MORF4L1: variants seen among roughly 807,000 people sequenced by gnomAD.
The protein encoded by MORF4L1 is mortality factor 4 like 1.
MORF4L1 carries 4 observed loss-of-function variants against 52.9 expected under a neutral mutation model. The observed-to-expected ratio is 0.08, with a 90% CI of 0.04 to 0.17. The LOEUF (loss-of-function observed/expected upper bound fraction) is 0.17. Among genes scored for constraint, MORF4L1 ranks in the 10% least tolerant of loss-of-function variants. MORF4L1 has a pLI of 1.00. For synonymous variants in MORF4L1, 123 were observed against 134.8 expected, an observed-to-expected ratio of 0.91 and a Z score of 0.61; for missense variants, 214 against 390.4, an observed-to-expected ratio of 0.55 and a Z score of 3.81.
chr15:78,878,636 A>G (rs2141591056), intron 2 of MORF4L1, among the ~76,000 whole-genome samples: 1 of 152,344 alleles, frequency 6.6e-6, no homozygotes, highest in African/African-American at 2.4e-5. Context: ...ATTAGGTTAA[A>G]GGTAAAAGCC....
At chr15:78,877,630 G>A (rs1365350008) in intron 1 of MORF4L1, 1 of 152,200 alleles carries the variant, frequency 6.6e-6, no homozygotes, top group Non-Finnish European at 1.5e-5. Flanking sequence ...AACGTAGACT[G>A]TTACGTTCCA....
At position 78,897,859 on chromosome 15, in the gene MORF4L1, G is replaced by A. The variant is rs1159355267; in HGVS notation, c.*792G>A. The A allele has an allele frequency of 2.6e-5, 4 of 152,470 alleles. No individual in the cohort carries two copies. The highest frequency in any genetic ancestry group is 2.4e-5 in the African/African-American group (1 of 41,428). The allele number at this position is 152,470 out of a possible 1,614,324, so 9.4% of individuals were successfully genotyped here. On this transcript the variant is annotated 3_prime_UTR_variant, in exon 12 of 12. Coordinates refer to ENST00000426013, the MANE Select transcript of MORF4L1 (RefSeq NM_006791.4). ...TGGTATGGCCTTTATGGAATGAGAC[G>A]CTTTAGCTTTGGTACGTAGCGCTAA...
chr15:78,874,932 CT>C (rs950935647), intron 1 of MORF4L1, among the ~76,000 whole-genome samples: 35 of 151,858 alleles, frequency 2.3e-4, no homozygotes, highest in Admixed American at 2.1e-3. Flanking sequence ...ATTGCTCCCC[CT>C]AAACCCCGAA....
At chr15:78,884,664 C>A (rs77151880) in intron 3 of MORF4L1, among the ~76,000 whole-genome samples, 2,964 of 26,400 alleles carry the variant, frequency 0.11, 100 homozygotes, top group East Asian at 0.31. Context: ...AAAAAATACA[C>A]ACACACACAC....
At chr15:78,879,623 T>C (rs538957644) in intron 2 of MORF4L1, among the ~76,000 whole-genome samples, 31 of 152,234 alleles carry the variant, frequency 2.0e-4, no homozygotes, top group African/African-American at 5.5e-4. Flanking sequence ...CTTAATGATA[T>C]AATGTTTGTA....
intron 5 of MORF4L1, among the ~76,000 whole-genome samples, chr15:78,889,951 C>T (rs983477280): frequency 1.5e-5 from 2 of 130,790 alleles, no homozygotes; most frequent in African/African-American, 6.5e-5. Flanking sequence ...TTAGGCCAGG[C>T]ATGGTGGCAC....
chr15:78,887,447 A>G (rs2056725076), intron 5 of MORF4L1, 98 bp downstream of exon 5: 1 of 1,032,604 alleles, frequency 9.7e-7, no homozygotes, highest in African/African-American at 1.6e-5. Flanking sequence ...ACTTTGGAAC[A>G]TTGTTGGAAC....
At chr15:78,880,373 A>C in intron 2 of MORF4L1, 139 bp from the exon 3 acceptor site, 1 of 628,382 alleles carries the variant, frequency 1.6e-6, no homozygotes, top group Non-Finnish European at 2.8e-6. Flanking sequence ...TAACTTGAGT[A>C]TTCTACAAGC....
chr15:78,880,287 T>G (rs2056577735), intron 2 of MORF4L1, among the ~76,000 whole-genome samples: 1 of 152,234 alleles, frequency 6.6e-6, no homozygotes, highest in Non-Finnish European at 1.5e-5. Context: ...AATCCATTGA[T>G]TAAAGATTTA....
chr15:78,886,322 C>A, intron 4 of MORF4L1, 95 bp downstream of exon 4: 1 of 1,085,338 alleles, frequency 9.2e-7, no homozygotes, highest in African/African-American at 1.6e-5. Context: ...GGCTGCCCTG[C>A]CTATAAAATG....
chr15:78,887,248 T>C, intron 4 of MORF4L1, 21 bp from the exon 5 acceptor site: 2 of 1,587,662 alleles, frequency 1.3e-6, no homozygotes, highest in Non-Finnish European at 1.7e-6. Flanking sequence ...TATGTTGACA[T>C]TACTGAAATT....
At chr15:78,883,863 C>G (rs1460948197) in intron 3 of MORF4L1, among the ~76,000 whole-genome samples, 1 of 152,118 alleles carries the variant, frequency 6.6e-6, no homozygotes, top group Non-Finnish European at 1.5e-5. Context: ...TAAGTACTGC[C>G]CATGGATCAT....
At chr15:78,882,475 A>G (rs1399718513) in intron 3 of MORF4L1, among the ~76,000 whole-genome samples, 3 of 152,228 alleles carry the variant, frequency 2.0e-5, no homozygotes, top group Non-Finnish European at 2.9e-5. Flanking sequence ...TTTAGTACTA[A>G]ATGGATTCTA....
At position 78,891,523 on chromosome 15, in the gene MORF4L1, C is replaced by T; in HGVS notation, c.389C>T (p.Pro130Leu). ...GATGGTGGCAGTACCAGTGAGACCC[C>T]TCAGCCTCCTCGGAAGAAAAGGGCC... ...NGDGGSTSET[P>L]QPPRKKRARV... Residue 130 changes from proline to leucine, a missense_variant, in exon 7 of 12, where the codon CCT becomes CTT. Coordinates refer to ENST00000426013, the MANE Select transcript of MORF4L1 (RefSeq NM_006791.4). 1 of 1,614,116 alleles carries T rather than the reference C, an allele frequency of 6.2e-7. No individual in the cohort carries two copies. The highest frequency in any genetic ancestry group is 8.5e-7 in the Non-Finnish European group (1 of 1,180,010).
intron 3 of MORF4L1, among the ~76,000 whole-genome samples, chr15:78,881,497 TTG>T (rs3971696): frequency 0.8 from 121,744 of 151,270 alleles, 49,773 homozygotes; most frequent in South Asian, 0.88. Flanking sequence ...CCCGGCCTTT[TTG>T]TGTGTGTGTG....
chr15:78,874,236 A>C (rs76426232), intron 1 of MORF4L1, among the ~76,000 whole-genome samples: 3 of 152,344 alleles, frequency 2.0e-5, no homozygotes, highest in African/African-American at 7.2e-5. Flanking sequence ...CGATGTCTAC[A>C]TGCGTACGAT....
At chr15:78,883,012 C>A (rs185200483) in intron 3 of MORF4L1, among the ~76,000 whole-genome samples, 97 of 152,162 alleles carry the variant, frequency 6.4e-4, no homozygotes, top group African/African-American at 2.3e-3. Context: ...GTCAGGAGTT[C>A]AAGTCCAGCC....
Position 78,893,675 on chromosome 15 carries a change from G to A in MORF4L1, c.629+48G>A, listed in dbSNP as rs777074677. The A allele has an allele frequency of 7.7e-6, 10 of 1,301,800 alleles. No homozygotes were observed. In the South Asian group the frequency reaches 8.0e-5, roughly 10 times the overall value. The allele number at this position is 1,301,800 out of a possible 1,614,324, so 80.6% of individuals were successfully genotyped here. A position where few individuals can be genotyped will look rare whatever the true frequency, so the allele number is the denominator to read the frequency against. ...TGACACTCAAAAGACATTTAAAAAA[G>A]TTTCTAAATAAGTCATCTGAAACTT... On this transcript the variant is annotated intron_variant, in intron 9 of 11. Transcript: ENST00000426013.
chr15:78,892,339 T>G, intron 8 of MORF4L1, 26 bp downstream of exon 8: 1 of 1,524,506 alleles, frequency 6.6e-7, no homozygotes, highest in Admixed American at 1.7e-5. Context: ...ACCCAGATTG[T>G]TAAGCTATAT....
Sources: allele counts gnomAD v4.1 joint callset (sites outside exome capture counted in the v4.1 genomes callset), GRCh38; gene constraint gnomAD v4.1.1; transcripts MANE v1.5; gene names NCBI Gene and HGNC (gene_info 2026-07-23, HGNC 2026-07-21).